NAV2: variants seen among roughly 807,000 people sequenced by gnomAD.
NAV2 encodes neuron navigator 2.
A neutral mutation model predicts 223.2 loss-of-function variants in NAV2; 54 were observed. That is an observed-to-expected ratio of 0.24 (90% CI 0.19 to 0.30). The LOEUF (loss-of-function observed/expected upper bound fraction) is 0.30, where lower values mean the gene tolerates loss of function less well. Among genes scored for constraint, NAV2 ranks in the 10% least tolerant of loss-of-function variants. NAV2 has a pLI of 1.00. For synonymous variants in NAV2, 1,279 were observed against 1,239.3 expected (o/e 1.03, Z -0.67); for missense variants, 2,806 against 3,147.5 (o/e 0.89, Z 2.60).
intron 1 of NAV2, among the ~76,000 whole-genome samples, chr11:19,655,986 T>G (rs1483486557): frequency 6.6e-6 from 1 of 152,180 alleles, no homozygotes; most frequent in Non-Finnish European, 1.5e-5. Context: ...AGGAAGATTG[T>G]CCAGCTGATC....
chr11:19,436,740 T>C (rs904310958), intron 1 of NAV2, among the ~76,000 whole-genome samples: 5 of 152,086 alleles, frequency 3.3e-5, no homozygotes, highest in African/African-American at 1.2e-4. Context: ...GAAACACCTT[T>C]CCGTTTATTT....
At chr11:19,829,218 T>C (rs1341491105) in intron 1 of NAV2, among the ~76,000 whole-genome samples, 1 of 152,174 alleles carries the variant, frequency 6.6e-6, no homozygotes, top group Non-Finnish European at 1.5e-5. Flanking sequence ...TCATGGTCCC[T>C]CCCACGTGGC....
intron 6 of NAV2, among the ~76,000 whole-genome samples, chr11:19,929,984 A>G (rs1489546185): frequency 2.0e-5 from 3 of 152,178 alleles, no homozygotes; most frequent in Non-Finnish European, 4.4e-5. Context: ...ATAGCACCTC[A>G]TAGAGCCCTC....
At chr11:19,847,427 C>A (rs968547034) in intron 3 of NAV2, among the ~76,000 whole-genome samples, 2 of 152,200 alleles carry the variant, frequency 1.3e-5, no homozygotes, top group Non-Finnish European at 2.9e-5. Context: ...AGCCTCCCAG[C>A]GCTGAGCCCC....
chr11:19,671,777 C>T (rs946836072), intron 1 of NAV2, among the ~76,000 whole-genome samples: 4 of 152,216 alleles, frequency 2.6e-5, no homozygotes, highest in Non-Finnish European at 1.5e-5. Context: ...CCATTCTTAG[C>T]TCAGGGGCCA....
chr11:19,710,722 A>G, upstream of NAV2, among the ~76,000 whole-genome samples: 1 of 152,256 alleles, frequency 6.6e-6, no homozygotes, highest in East Asian at 1.9e-4. Flanking sequence ...AAATCTTGGT[A>G]CACTGGTCAG....
intron 1 of NAV2, among the ~76,000 whole-genome samples, chr11:19,566,728 G>C (rs1188693646): frequency 6.6e-6 from 1 of 152,098 alleles, no homozygotes; most frequent in Non-Finnish European, 1.5e-5. Context: ...ATTATCCTGG[G>C]CACACTCCAT....
In NAV2 at chr11:19,517,162, C is replaced by A. The variant is rs188653958; in HGVS notation, c.75+166135C>A. ...ACTCCCTTCTCCTGGCCTGCGCAGT[C>A]CACTTTCTTGGTTTCTCATGCCTGT... is the stretch of plus-strand genomic sequence containing the variant. On this transcript the variant is annotated intron_variant, in intron 1 of 37. Coordinates refer to the NAV2 transcript ENST00000360655. Among the ~76,000 whole-genome samples, 16 of 152,314 alleles carry A rather than the reference C, an allele frequency of 1.1e-4. No homozygotes were observed. In the East Asian group the frequency reaches 3.1e-3, roughly 29 times the overall value.
intron 1 of NAV2, among the ~76,000 whole-genome samples, chr11:19,630,093 C>T (rs752867692): frequency 6.6e-5 from 10 of 150,676 alleles, no homozygotes; most frequent in African/African-American, 1.7e-4. Context: ...CTGGGGAATG[C>T]GACCTATGTT....
chr11:20,063,542 T>G (rs1247501998), intron 20 of NAV2, among the ~76,000 whole-genome samples: 1 of 152,074 alleles, frequency 6.6e-6, no homozygotes, highest in Non-Finnish European at 1.5e-5. Context: ...CTGGCTAATT[T>G]TTTTACATTT....
intron 1 of NAV2, among the ~76,000 whole-genome samples, chr11:19,564,101 C>T (rs2045186575): frequency 6.6e-6 from 1 of 152,210 alleles, no homozygotes; most frequent in Non-Finnish European, 1.5e-5. Context: ...AACCCCCGAC[C>T]CCTACCCCTC....
intron 1 of NAV2, among the ~76,000 whole-genome samples, chr11:19,418,670 G>A (rs1039710022): frequency 6.6e-6 from 1 of 152,130 alleles, no homozygotes; most frequent in Admixed American, 6.5e-5. Context: ...ATTGAGACGG[G>A]GTTGGAAAAA....
At chr11:19,703,329 A>G (rs57310855) in intron 1 of NAV2, among the ~76,000 whole-genome samples, 4,764 of 152,188 alleles carry the variant, frequency 0.031, 182 homozygotes, top group East Asian at 0.17. Flanking sequence ...GACCAGCAGC[A>G]CCTCTTCCAT....
chr11:20,043,536 C>T (rs1339380763), intron 12 of NAV2, among the ~76,000 whole-genome samples: 1 of 152,128 alleles, frequency 6.6e-6, no homozygotes, highest in Non-Finnish European at 1.5e-5. Flanking sequence ...GCCTCCACCT[C>T]CCCGGGGTGA....
chr11:20,072,342 CT>C (rs1564986807), intron 22 of NAV2, among the ~76,000 whole-genome samples: 1 of 152,100 alleles, frequency 6.6e-6, no homozygotes, highest in African/African-American at 2.4e-5. Context: ...TTACTGTAGC[CT>C]TGTAGTATAG....
chr11:19,818,099 C>T (rs11025266), intron 1 of NAV2, among the ~76,000 whole-genome samples: 94,491 of 151,620 alleles, frequency 0.62, 30,131 homozygotes, highest in African/African-American at 0.75. Context: ...CAGTCTACTG[C>T]CCCCTAAATT....
At chr11:19,347,891 C>T (rs190497892), upstream of NAV2, among the ~76,000 whole-genome samples, 124 of 152,326 alleles carry the variant, frequency 8.1e-4, no homozygotes, top group Non-Finnish European at 1.5e-3. Context: ...CTCTTGAAGT[C>T]CCCTCTGCCC....
chr11:19,809,857 G>A (rs11025263), intron 1 of NAV2, among the ~76,000 whole-genome samples: 37,315 of 152,114 alleles, frequency 0.25, 5,215 homozygotes, highest in East Asian at 0.48. Context: ...TTTTGGAGAG[G>A]AAGAACACAG....
chr11:19,712,832 A>G (rs561221001), upstream of NAV2, among the ~76,000 whole-genome samples: 1 of 151,368 alleles, frequency 6.6e-6, no homozygotes, highest in Non-Finnish European at 1.5e-5. Flanking sequence ...CGCCGGCAGC[A>G]GCCTGTCCTC....
Sources: gnomAD v4.1 joint callset for allele counts (sites outside exome capture counted in the v4.1 genomes callset) on GRCh38, gnomAD v4.1.1 for gene constraint, MANE v1.5 for transcripts, NCBI Gene and HGNC (gene_info 2026-07-23, HGNC 2026-07-21) for gene names.